Variants in SDK1 observed in about 807,000 individuals in gnomAD.
SDK1 encodes the protein protein sidekick-1.
Under a neutral mutation model 245.5 loss-of-function variants are expected in SDK1, and 157 were observed. That is an observed-to-expected ratio of 0.64 (90% CI 0.56 to 0.73). The LOEUF is 0.73. Among genes scored for constraint, SDK1 ranks in the 30% least tolerant of loss-of-function variants. SDK1 has a pLI of 0.00. For missense variants in SDK1, 3,583 were observed against 3,002.3 expected (o/e 1.19, Z -4.52); for synonymous variants, 1,647 against 1,278.5 (o/e 1.29, Z -6.15).
chr7:3,914,551 C>G (rs915049123), intron 5 of SDK1, among the ~76,000 whole-genome samples: 1 of 152,190 alleles, frequency 6.6e-6, no homozygotes, highest in Admixed American at 6.5e-5. Flanking sequence ...ATTGCTGAAG[C>G]TATTTTTAAA....
intron 5 of SDK1, among the ~76,000 whole-genome samples, chr7:3,918,020 G>A (rs1289123420): frequency 6.6e-6 from 1 of 152,194 alleles, no homozygotes; most frequent in Non-Finnish European, 1.5e-5. Context: ...AGGGCCTTAT[G>A]TGTAATTCAC....
At chr7:3,945,631 C>G (rs1442562511) in intron 5 of SDK1, among the ~76,000 whole-genome samples, 1 of 152,048 alleles carries the variant, frequency 6.6e-6, no homozygotes, top group Non-Finnish European at 1.5e-5. Context: ...CTTGGTGGCT[C>G]ACGCCTGTAA....
chr7:3,393,838 C>G (rs1385137010), intron 1 of SDK1, among the ~76,000 whole-genome samples: 1 of 152,124 alleles, frequency 6.6e-6, no homozygotes, highest in East Asian at 1.9e-4. Flanking sequence ...GGATTGTTCA[C>G]TGTTGTCTTA....
chr7:3,561,291 T>C (rs1779743260), intron 1 of SDK1, among the ~76,000 whole-genome samples: 1 of 152,240 alleles, frequency 6.6e-6, no homozygotes, highest in Admixed American at 6.5e-5. Flanking sequence ...CTCTTGGCTT[T>C]AGGATATTAA....
At chr7:4,034,935 A>T (rs1451803289) in intron 17 of SDK1, among the ~76,000 whole-genome samples, 1 of 152,228 alleles carries the variant, frequency 6.6e-6, no homozygotes, top group Non-Finnish European at 1.5e-5. Flanking sequence ...TGCTTATAGA[A>T]TTGGCTTTGA....
At chr7:3,415,650 T>C (rs7809446) in intron 1 of SDK1, among the ~76,000 whole-genome samples, 114,346 of 151,056 alleles carry the variant, frequency 0.76, 43,596 homozygotes, top group South Asian at 0.84. Context: ...AGTTGCTTTG[T>C]ATCCCTACTT....
chr7:3,949,458 C>A (rs1207285052), intron 5 of SDK1, among the ~76,000 whole-genome samples: 5 of 152,222 alleles, frequency 3.3e-5, no homozygotes, highest in Non-Finnish European at 7.3e-5. Context: ...CTCACCCCAC[C>A]GCCAGCCGGG....
At chr7:3,627,545 T>A (rs1215211337) in intron 2 of SDK1, among the ~76,000 whole-genome samples, 1 of 152,166 alleles carries the variant, frequency 6.6e-6, no homozygotes, top group Non-Finnish European at 1.5e-5. Context: ...AATATAAGCA[T>A]CCAGTCCCAA....
chr7:3,365,395 A>G (rs565753296), intron 1 of SDK1, among the ~76,000 whole-genome samples: 17 of 152,316 alleles, frequency 1.1e-4, no homozygotes, highest in African/African-American at 3.8e-4. Flanking sequence ...ATAGGAGGCC[A>G]TTACTTCAGA....
intron 1 of SDK1, among the ~76,000 whole-genome samples, chr7:3,460,186 T>G (rs988615322): frequency 4.6e-5 from 7 of 152,204 alleles, no homozygotes; most frequent in African/African-American, 1.2e-4. Flanking sequence ...CTTTCTAAAT[T>G]TCCCTCAGCC....
Position 4,244,225 on chromosome 7 carries a change from C to A in SDK1, c.6252-1451C>A, listed in dbSNP as rs543651761. 7.2e-5 allele frequency among the ~76,000 whole-genome samples: 11 copies of A among 152,146 alleles called. 1 individual carries two copies. Among genetic ancestry groups the A allele is most frequent in the Admixed American group, 7.2e-4 (11 of 15,266 alleles). The stretch of plus-strand genomic sequence containing the variant: ...CCTTGATCACCCAGTGTTACTTCTC[C>A]CATTGAGGGATGAGAAGACACTTCC... On this transcript the variant is annotated intron_variant, in intron 43 of 44. Coordinates refer to ENST00000404826, the MANE Select transcript of SDK1 (RefSeq NM_152744.4).
At chr7:3,648,447 C>G (rs887824307) in intron 4 of SDK1, among the ~76,000 whole-genome samples, 8 of 152,164 alleles carry the variant, frequency 5.3e-5, no homozygotes, top group South Asian at 2.1e-4. Flanking sequence ...CTTCAGTCAG[C>G]TTTGCAATAG....
intron 1 of SDK1, among the ~76,000 whole-genome samples, chr7:3,388,247 T>C (rs1781658803): frequency 6.6e-6 from 1 of 152,066 alleles, no homozygotes; most frequent in Non-Finnish European, 1.5e-5. Flanking sequence ...TATATATTTT[T>C]ATGTATGTAA....
rs371184090 is a variant in SDK1 at position 3,676,167 on chromosome 7, A to G, written c.713+34062A>G. Among the ~76,000 whole-genome samples the G allele has an allele frequency of 1.7e-4, 26 of 150,978 alleles. No homozygotes were observed. The East Asian group carries it at 2.8e-3, about 16-fold the overall frequency. On this transcript the variant is annotated intron_variant, in intron 4 of 44. Transcript: ENST00000404826. ...TTTTTTGTGGAGACGGGGTCTCACT[A>G]TGTTGCCACCTGGCTAAATTTTGTA... is the stretch of plus-strand genomic sequence containing the variant.
intron 5 of SDK1, among the ~76,000 whole-genome samples, chr7:3,853,531 T>C (rs1465351792): frequency 6.6e-6 from 1 of 152,208 alleles, no homozygotes; most frequent in African/African-American, 2.4e-5. Context: ...ATATCCCTTA[T>C]TCAAAATTCT....
At chr7:4,031,495 A>G (rs953031158) in intron 17 of SDK1, among the ~76,000 whole-genome samples, 2 of 152,190 alleles carry the variant, frequency 1.3e-5, no homozygotes, top group African/African-American at 4.8e-5. Context: ...GTGTATAAAC[A>G]TTAGAGCAAA....
chr7:4,059,884 T>C (rs1457707245), intron 19 of SDK1, among the ~76,000 whole-genome samples: 1 of 150,222 alleles, frequency 6.7e-6, no homozygotes, highest in Admixed American at 6.6e-5. Context: ...AAAATTTCTT[T>C]TTTTTTTTTT....
At chr7:3,721,364 G>A (rs1445554777) in intron 4 of SDK1, among the ~76,000 whole-genome samples, 1 of 152,182 alleles carries the variant, frequency 6.6e-6, no homozygotes, top group Non-Finnish European at 1.5e-5. Flanking sequence ...CACGATGTTG[G>A]CACTGGGGCA....
chr7:3,627,636 C>A (rs979254609), intron 2 of SDK1, among the ~76,000 whole-genome samples: 20 of 152,214 alleles, frequency 1.3e-4, no homozygotes, highest in Admixed American at 3.9e-4. Flanking sequence ...CTGGCATTGG[C>A]AAAAGCTAGA....
Sources: allele counts gnomAD v4.1 joint callset (sites outside exome capture counted in the v4.1 genomes callset), GRCh38; gene constraint gnomAD v4.1.1; transcripts MANE v1.5; gene names NCBI Gene and HGNC (gene_info 2026-07-23, HGNC 2026-07-21).